NRCAM: variants seen among roughly 807,000 people sequenced by gnomAD.
NRCAM encodes neuronal cell adhesion molecule, also known as NgCAM-related cell adhesion molecule.
A neutral mutation model predicts 156.5 loss-of-function variants in NRCAM; 83 were observed. The ratio of observed to expected loss-of-function variants is 0.53; its 90% CI spans 0.44 to 0.64. NRCAM has a LOEUF of 0.64. Among genes scored for constraint, NRCAM ranks in the 30% least tolerant of loss-of-function variants. The pLI is 0.00. For missense variants in NRCAM, 1,417 were observed against 1,597.3 expected (o/e 0.89, Z 1.92); for synonymous variants, 538 against 563.9 (o/e 0.95, Z 0.65).
intron 2 of NRCAM, among the ~76,000 whole-genome samples, chr7:108,387,582 T>C (rs555725631): frequency 1.8e-4 from 27 of 152,312 alleles, no homozygotes; most frequent in Admixed American, 1.4e-3. Flanking sequence ...TTTATTATTA[T>C]ACTTTAAGTT....
chr7:108,399,121 A>G (rs531899752), intron 2 of NRCAM, among the ~76,000 whole-genome samples: 3 of 152,074 alleles, frequency 2.0e-5, no homozygotes, highest in African/African-American at 7.2e-5. Flanking sequence ...TACATAAGAA[A>G]TTTCTCCAAA....
rs751120320 is a variant in NRCAM, at chr7:108,184,525, G to T, written c.2125C>A (p.Leu709Met). The change falls in exon 21 of 33, where the codon CTG (leucine) becomes ATG (methionine). Residue 709 changes from leucine (L) to methionine (M), a missense_variant. Around this residue, in one of 2 missense-constraint regions of NRCAM, gnomAD observed 1,238 missense variants for 1,336.4 expected, o/e 0.93. Coordinates refer to ENST00000379028, the MANE Select transcript of NRCAM (RefSeq NM_001037132.4). ...TAGTTCACGTAAGGAGACAGCTTCA[G>T]CTGGGCTGTGGTCTGTGTTCCAGAA... Reference protein sequence around the residue: ...EVSGTQTTAQLKLSPYVNYSF... With the variant: ...EVSGTQTTAQMKLSPYVNYSF... 1.2e-5 allele frequency: 20 copies of T among 1,614,026 alleles called. No homozygotes were observed. The African/African-American group carries it at 2.5e-4, about 20-fold the overall frequency.
intron 3 of NRCAM, among the ~76,000 whole-genome samples, chr7:108,249,103 G>A (rs2096169735): frequency 2.0e-5 from 3 of 152,136 alleles, no homozygotes; most frequent in Admixed American, 6.5e-5. Flanking sequence ...GTGTGTTGGG[G>A]AGGCAAAAGG....
chr7:108,360,335 AT>A (rs1337999036), intron 2 of NRCAM, among the ~76,000 whole-genome samples: 1 of 152,216 alleles, frequency 6.6e-6, no homozygotes, highest in Non-Finnish European at 1.5e-5. Context: ...AGCAAGATTA[AT>A]TAACTGCTGA....
chr7:108,230,337 AT>A (rs1406426577), intron 8 of NRCAM, among the ~76,000 whole-genome samples: 2 of 151,688 alleles, frequency 1.3e-5, no homozygotes, highest in Non-Finnish European at 2.9e-5. Context: ...TCACCAACAA[AT>A]TTCATCTAGA....
intron 3 of NRCAM, among the ~76,000 whole-genome samples, chr7:108,296,351 A>G (rs1458803093): frequency 6.6e-6 from 1 of 152,150 alleles, no homozygotes; most frequent in African/African-American, 2.4e-5. Context: ...AAAGAACTGA[A>G]GTAGAGCCAC....
chr7:108,167,853 T>C (rs1402734972), intron 29 of NRCAM, among the ~76,000 whole-genome samples: 1 of 152,218 alleles, frequency 6.6e-6, no homozygotes, highest in Non-Finnish European at 1.5e-5. Context: ...TCTTATAAAA[T>C]TCTGTTGGGC....
intron 3 of NRCAM, among the ~76,000 whole-genome samples, chr7:108,256,309 A>C (rs1337225164): frequency 6.8e-6 from 1 of 147,924 alleles, no homozygotes; most frequent in Non-Finnish European, 1.5e-5. Context: ...GGATGCTGTT[A>C]ATCTATAACC....
chr7:108,153,313 AATTC>A (rs1006120218), intron 32 of NRCAM, among the ~76,000 whole-genome samples: 1 of 152,124 alleles, frequency 6.6e-6, no homozygotes, highest in Admixed American at 6.5e-5. Flanking sequence ...CAATTCATAT[AATTC>A]ATTATTTTAG....
chr7:108,330,895 C>A (rs2099119938), intron 2 of NRCAM, among the ~76,000 whole-genome samples: 1 of 152,304 alleles, frequency 6.6e-6, no homozygotes, highest in African/African-American at 2.4e-5. Flanking sequence ...GTACACGCAG[C>A]TTTCTGTTTC....
intron 13 of NRCAM, among the ~76,000 whole-genome samples, chr7:108,201,055 G>A (rs964896090): frequency 3.3e-5 from 5 of 151,616 alleles, no homozygotes; most frequent in Admixed American, 2.0e-4. Context: ...TCGGGTGGCC[G>A]GTGCACCAAA....
intron 32 of NRCAM, among the ~76,000 whole-genome samples, chr7:108,157,110 CATT>C (rs1034262605): frequency 1.8e-4 from 28 of 152,176 alleles, no homozygotes; most frequent in African/African-American, 5.3e-4. Context: ...AAAATTACAT[CATT>C]GAGTTATGTT....
chr7:108,360,435 T>G (rs1422299544), intron 2 of NRCAM, among the ~76,000 whole-genome samples: 2 of 151,722 alleles, frequency 1.3e-5, no homozygotes, highest in Non-Finnish European at 2.9e-5. Flanking sequence ...GGTTGCAGGG[T>G]GGGGGATATA....
chr7:108,191,378 G>T (rs1425781838), intron 18 of NRCAM, 95 bp from the exon 19 acceptor site: 4 of 969,048 alleles, frequency 4.1e-6, no homozygotes, highest in South Asian at 1.7e-5. Context: ...ATTATTCAAG[G>T]TTATAAAATT....
intron 2 of NRCAM, among the ~76,000 whole-genome samples, chr7:108,370,473 G>GA: frequency 6.6e-6 from 1 of 151,992 alleles, no homozygotes; most frequent in Non-Finnish European, 1.5e-5. Flanking sequence ...GGATAGCAAA[G>GA]AAAAAATATT....
intron 20 of NRCAM, among the ~76,000 whole-genome samples, chr7:108,185,562 A>G (rs3819742): frequency 0.68 from 102,867 of 151,444 alleles, 36,991 homozygotes; most frequent in East Asian, 0.96. Context: ...CCCCGTCTCT[A>G]CAGAAAGTTA....
At chr7:108,286,407 A>G (rs1302468266) in intron 3 of NRCAM, among the ~76,000 whole-genome samples, 1 of 152,164 alleles carries the variant, frequency 6.6e-6, no homozygotes, top group African/African-American at 2.4e-5. Context: ...TCCTTTATGT[A>G]GAACAATACT....
intron 2 of NRCAM, among the ~76,000 whole-genome samples, chr7:108,382,316 C>T (rs2099705247): frequency 6.6e-6 from 1 of 151,712 alleles, no homozygotes; most frequent in Non-Finnish European, 1.5e-5. Context: ...ACTAACAAGG[C>T]TGGGCGCGGT....
At chr7:108,316,804 G>C (rs1289039115) in intron 2 of NRCAM, among the ~76,000 whole-genome samples, 1 of 144,214 alleles carries the variant, frequency 6.9e-6, no homozygotes, top group Non-Finnish European at 1.5e-5. Flanking sequence ...AAAAAAAAAA[G>C]AAACCTAGAA....
Sources: gnomAD v4.1 joint callset for allele counts (sites outside exome capture counted in the v4.1 genomes callset) on GRCh38, gnomAD v4.1.1 for gene constraint, gnomAD v4.1.1 regional missense constraint, MANE v1.5 for transcripts, NCBI Gene and HGNC (gene_info 2026-07-23, HGNC 2026-07-21) for gene names.